CHST11: variants seen among roughly 807,000 people sequenced by gnomAD.
CHST11 encodes carbohydrate sulfotransferase 11.
Under a neutral mutation model 30.4 loss-of-function variants are expected in CHST11, and 9 were observed. That is an observed-to-expected ratio of 0.30 (90% CI 0.18 to 0.52). CHST11 has a LOEUF of 0.52. CHST11 is among the 20% of genes least tolerant of loss of function. The pLI is 0.97. For synonymous variants in CHST11, 152 were observed against 187.8 expected, an observed-to-expected ratio of 0.81 and a Z score of 1.56; for missense variants, 348 against 460.6, an observed-to-expected ratio of 0.76 and a Z score of 2.24.
At chr12:104,670,511 AC>A (rs1321784838) in intron 2 of CHST11, among the ~76,000 whole-genome samples, 2 of 151,388 alleles carry the variant, frequency 1.3e-5, no homozygotes, top group Non-Finnish European at 2.9e-5. Flanking sequence ...ACTCACACAA[AC>A]ACATCCATAC....
chr12:104,464,493 C>T (rs1015542717), intron 1 of CHST11, among the ~76,000 whole-genome samples: 5 of 152,050 alleles, frequency 3.3e-5, no homozygotes, highest in African/African-American at 9.7e-5. Flanking sequence ...TCTCCTTTTT[C>T]AATTTTTTAA....
chr12:104,487,057 C>G (rs544348128), intron 1 of CHST11, among the ~76,000 whole-genome samples: 145 of 152,290 alleles, frequency 9.5e-4, no homozygotes, highest in African/African-American at 3.4e-3. Context: ...ATACAGTAGA[C>G]TTTATAAATG....
chr12:104,627,557 G>C (rs7137401), intron 2 of CHST11, among the ~76,000 whole-genome samples: 99,949 of 152,066 alleles, frequency 0.66, 33,349 homozygotes, highest in East Asian at 0.91. Flanking sequence ...TTCAACAAGC[G>C]CAGGTTCAGA....
chr12:104,529,627 A>T (rs544788421), intron 1 of CHST11, among the ~76,000 whole-genome samples: 1 of 152,198 alleles, frequency 6.6e-6, no homozygotes, highest in Non-Finnish European at 1.5e-5. Flanking sequence ...GCCATCTTCA[A>T]TGTATGCCTT....
intron 2 of CHST11, among the ~76,000 whole-genome samples, chr12:104,708,328 C>T (rs911214421): frequency 1.7e-4 from 26 of 152,278 alleles, no homozygotes; most frequent in African/African-American, 4.6e-4. Flanking sequence ...GCCTCCTTCC[C>T]GGGGGCGGCT....
rs1209993469 is a variant in CHST11, at chr12:104,729,989, G to A, written c.205-26960G>A. 6.6e-6 allele frequency among the ~76,000 whole-genome samples: 1 copy of A among 152,202 alleles called. No individual in the cohort carries two copies. The highest frequency in any genetic ancestry group is 1.5e-5 in the Non-Finnish European group (1 of 68,028). ...GTCCCAGGACTTGGGGCTCTAAGTA[G>A]CATTACACTGGCTGGGCAGGTAGTC... is the stretch of plus-strand genomic sequence containing the variant. On this transcript the variant is annotated intron_variant, in intron 2 of 2. Coordinates refer to ENST00000303694, the MANE Select transcript of CHST11 (RefSeq NM_018413.6). The surrounding 1 kb of genome is among the most constrained non-coding windows in gnomAD (Gnocchi z 4.0).
At chr12:104,724,353 A>G (rs2040201319) in intron 2 of CHST11, among the ~76,000 whole-genome samples, 1 of 152,158 alleles carries the variant, frequency 6.6e-6, no homozygotes, top group African/African-American at 2.4e-5. Flanking sequence ...ATCCATAGGG[A>G]AAATGAAAAG....
intron 1 of CHST11, among the ~76,000 whole-genome samples, chr12:104,547,700 G>A (rs2038364551): frequency 6.6e-6 from 1 of 152,084 alleles, no homozygotes. Context: ...TTTATATTCT[G>A]GCTACTCAAA....
chr12:104,563,281 G>A (rs532426082), intron 1 of CHST11, among the ~76,000 whole-genome samples: 4 of 152,158 alleles, frequency 2.6e-5, no homozygotes, highest in Admixed American at 2.6e-4. Context: ...CAAGTGATCC[G>A]CCTGCCTCGG....
intron 2 of CHST11, among the ~76,000 whole-genome samples, chr12:104,657,382 G>T (rs867628702): frequency 9.2e-5 from 14 of 152,176 alleles, no homozygotes; most frequent in African/African-American, 3.1e-4. Context: ...CTGGGTGAGA[G>T]ACATGATTGA....
chr12:104,520,090 G>A (rs1334371119), intron 1 of CHST11, among the ~76,000 whole-genome samples: 13 of 152,178 alleles, frequency 8.5e-5, no homozygotes, highest in Non-Finnish European at 1.2e-4. Context: ...GCTGGCGTCG[G>A]AACTGATCAA....
rs1257189778 is a variant in CHST11 at position 104,610,492 on chromosome 12, C to A, written c.204+8501C>A. 3.9e-5 allele frequency among the ~76,000 whole-genome samples: 6 copies of A among 152,322 alleles called. No individual in the cohort carries two copies. The South Asian group carries it at 1.2e-3, about 32-fold the overall frequency. On this transcript the variant is annotated intron_variant, in intron 2 of 2. Coordinates refer to ENST00000303694, the MANE Select transcript of CHST11 (RefSeq NM_018413.6). The stretch of plus-strand genomic sequence containing the variant: ...GAAGGGCATTCAAGTGACCAAATGA[C>A]CTCGGCAGTTTCCACATGGTAACAC...
intron 2 of CHST11, among the ~76,000 whole-genome samples, chr12:104,701,603 G>A (rs542664651): frequency 2.0e-5 from 3 of 152,260 alleles, no homozygotes; most frequent in South Asian, 2.1e-4. Flanking sequence ...AGGAATGTTC[G>A]GCATTGAGCA....
chr12:104,709,584 G>T (rs1014252272), intron 2 of CHST11, among the ~76,000 whole-genome samples: 2 of 152,180 alleles, frequency 1.3e-5, no homozygotes, highest in Non-Finnish European at 2.9e-5. Context: ...TGAGGCAGGT[G>T]CTACTGTGAC....
intron 1 of CHST11, among the ~76,000 whole-genome samples, chr12:104,531,480 AG>A (rs35313181): frequency 0.46 from 63,269 of 137,136 alleles, 15,016 homozygotes; most frequent in Middle Eastern, 0.65. Context: ...AAAAAAAAAA[AG>A]AGAGAGAGAG....
At chr12:104,579,084 G>A (rs1227410142) in intron 1 of CHST11, among the ~76,000 whole-genome samples, 1 of 152,198 alleles carries the variant, frequency 6.6e-6, no homozygotes, top group Non-Finnish European at 1.5e-5. Flanking sequence ...ACATGCCCCT[G>A]TTTCCTTGTT....
intron 2 of CHST11, among the ~76,000 whole-genome samples, chr12:104,666,713 GA>G (rs1211947735): frequency 6.6e-6 from 1 of 152,206 alleles, no homozygotes; most frequent in Non-Finnish European, 1.5e-5. Context: ...AAAAAAGATG[GA>G]AGGAAAGGGA....
chr12:104,516,478 C>G (rs1455191025), intron 1 of CHST11, among the ~76,000 whole-genome samples: 1 of 151,988 alleles, frequency 6.6e-6, no homozygotes, highest in African/African-American at 2.4e-5. Context: ...TTATGTGAAG[C>G]AATGAGGTGG....
chr12:104,701,209 G>A (rs1472651707), intron 2 of CHST11, among the ~76,000 whole-genome samples: 1 of 152,154 alleles, frequency 6.6e-6, no homozygotes, highest in Non-Finnish European at 1.5e-5. Flanking sequence ...GCTGCTAAGT[G>A]GCCAAACTGA....
Sources: gnomAD v4.1 joint callset for allele counts (sites outside exome capture counted in the v4.1 genomes callset) on GRCh38, gnomAD v4.1.1 for gene constraint, Gnocchi (gnomAD v3.1) non-coding constraint, MANE v1.5 for transcripts, NCBI Gene and HGNC (gene_info 2026-07-23, HGNC 2026-07-21) for gene names.